Variants in MACROD2 observed in about 807,000 individuals in gnomAD.
The protein encoded by MACROD2 is ADP-ribose glycohydrolase MACROD2.
In MACROD2, 36 loss-of-function variants were observed where a neutral mutation model predicts 70.4. The observed-to-expected ratio is 0.51, with a 90% CI of 0.39 to 0.68. The LOEUF is 0.68. Ranked by LOEUF, MACROD2 falls within the 30% of genes least tolerant of loss-of-function variation. The pLI is 0.00. For missense variants in MACROD2, 496 were observed against 538.4 expected (o/e 0.92, Z 0.78); for synonymous variants, 172 against 178.8 (o/e 0.96, Z 0.30).
chr20:14,497,927 C>T (rs1013597514), intron 4 of MACROD2, among the ~76,000 whole-genome samples: 1 of 151,702 alleles, frequency 6.6e-6, no homozygotes, highest in East Asian at 1.9e-4. Flanking sequence ...ATTTGTCCAA[C>T]GCGAGAACAG....
Position 14,550,254 on chromosome 20 carries a change from A to T in MACROD2, c.301+56746A>T, listed in dbSNP as rs1357278877. 2.6e-5 allele frequency among the ~76,000 whole-genome samples: 4 copies of T among 152,020 alleles called. No homozygotes were observed. In the East Asian group the frequency reaches 5.8e-4, roughly 22 times the overall value. ...CACCTTTAAGCCCATGTAGTCAATC[A>T]TTCAGCTCCACCTCTAATTTAATGG... On this transcript the variant is annotated intron_variant, in intron 4 of 17. Transcript: ENST00000684519.
At position 15,213,049 on chromosome 20, in the gene MACROD2, G is replaced by A. The variant is rs550574540; in HGVS notation, c.419-16891G>A. 1.4e-4 allele frequency among the ~76,000 whole-genome samples: 21 copies of A among 152,298 alleles called. 1 individual carries two copies. The South Asian group carries it at 2.1e-3, about 15-fold the overall frequency. On this transcript the variant is annotated intron_variant, in intron 5 of 17. Coordinates refer to ENST00000684519, the MANE Select transcript of MACROD2 (RefSeq NM_001351661.2). ...AAAAGAAAAGGTGGTTGGAGATGTC[G>A]CCAGAGTTTAGGATTAAGTGAGAAC...
intron 5 of MACROD2, among the ~76,000 whole-genome samples, chr20:15,068,701 G>C (rs1165051334): frequency 6.6e-6 from 1 of 152,070 alleles, no homozygotes; most frequent in Non-Finnish European, 1.5e-5. Context: ...GTAGATATGG[G>C]TGTGATGTTT....
chr20:14,986,892 G>A (rs1346864932), intron 5 of MACROD2, among the ~76,000 whole-genome samples: 1 of 152,134 alleles, frequency 6.6e-6, no homozygotes, highest in African/African-American at 2.4e-5. Flanking sequence ...TGTGAAGTAC[G>A]ATTTGGCACG....
chr20:15,100,271 A>G (rs916197550), intron 5 of MACROD2, among the ~76,000 whole-genome samples: 2 of 151,968 alleles, frequency 1.3e-5, no homozygotes, highest in African/African-American at 4.8e-5. Flanking sequence ...TTTCTTTATG[A>G]TAGATTTGTT....
intron 5 of MACROD2, among the ~76,000 whole-genome samples, chr20:15,016,506 A>T (rs2075122613): frequency 6.6e-6 from 1 of 152,102 alleles, no homozygotes; most frequent in African/African-American, 2.4e-5. Flanking sequence ...CAGATCCCTC[A>T]AGATGGCTTG....
At chr20:15,011,098 C>T (rs1199694784) in intron 5 of MACROD2, among the ~76,000 whole-genome samples, 2 of 152,180 alleles carry the variant, frequency 1.3e-5, no homozygotes, top group Admixed American at 6.5e-5. Flanking sequence ...CAAGCCAAGC[C>T]CTTTCACCTC....
intron 10 of MACROD2, among the ~76,000 whole-genome samples, chr20:15,887,351 A>G (rs1016035350): frequency 1.3e-5 from 2 of 152,174 alleles, no homozygotes; most frequent in South Asian, 4.1e-4. Flanking sequence ...TCCAAATGCA[A>G]TGGATTCAGA....
intron 5 of MACROD2, among the ~76,000 whole-genome samples, chr20:15,049,811 G>A (rs987547539): frequency 2.0e-5 from 3 of 152,248 alleles, no homozygotes; most frequent in East Asian, 3.9e-4. Context: ...AGCTGGGCAT[G>A]GTGGCAGGCA....
At chr20:15,822,283 TGTG>T (rs2063946955) in intron 8 of MACROD2, among the ~76,000 whole-genome samples, 1 of 152,168 alleles carries the variant, frequency 6.6e-6, no homozygotes, top group Non-Finnish European at 1.5e-5. Context: ...AGATCTAAAA[TGTG>T]GTGTGTATGT....
At chr20:14,116,915 A>T (rs1187441332) in intron 3 of MACROD2, among the ~76,000 whole-genome samples, 2 of 152,078 alleles carry the variant, frequency 1.3e-5, no homozygotes, top group Non-Finnish European at 2.9e-5. Context: ...AAAAATACAA[A>T]AATTAGCCAG....
At chr20:14,335,009 C>T (rs866737268) in intron 3 of MACROD2, among the ~76,000 whole-genome samples, 1 of 152,038 alleles carries the variant, frequency 6.6e-6, no homozygotes, top group South Asian at 2.1e-4. Context: ...TTGGTATGAA[C>T]ATTGGCATAT....
intron 4 of MACROD2, among the ~76,000 whole-genome samples, chr20:14,654,039 T>A (rs187583953): frequency 1.0e-3 from 155 of 152,282 alleles, no homozygotes; most frequent in African/African-American, 3.5e-3. Context: ...CCAATTTTTG[T>A]CTCACAGTCT....
chr20:15,256,311 G>A (rs1355191308), intron 6 of MACROD2, among the ~76,000 whole-genome samples: 1 of 152,046 alleles, frequency 6.6e-6, no homozygotes, highest in Non-Finnish European at 1.5e-5. Flanking sequence ...AATTTAGAAT[G>A]TCTGGGGATT....
chr20:14,975,220 G>A (rs1223885715), intron 5 of MACROD2, among the ~76,000 whole-genome samples: 1 of 152,154 alleles, frequency 6.6e-6, no homozygotes, highest in Non-Finnish European at 1.5e-5. Context: ...ACTGATTAGA[G>A]GCTGGACAAA....
chr20:14,618,109 A>G (rs1983586035), intron 4 of MACROD2, among the ~76,000 whole-genome samples: 2 of 3,776 alleles, frequency 5.3e-4, no homozygotes, highest in Non-Finnish European at 1.0e-3. Context: ...TCCAATCCCT[A>G]TGAATTTTTT....
At chr20:14,919,003 A>AT (rs1294340617) in intron 5 of MACROD2, among the ~76,000 whole-genome samples, 1 of 152,178 alleles carries the variant, frequency 6.6e-6, no homozygotes, top group Non-Finnish European at 1.5e-5. Context: ...ATGATAACTG[A>AT]TAAAGCCTTT....
At chr20:15,202,623 A>G (rs775875329) in intron 5 of MACROD2, among the ~76,000 whole-genome samples, 36 of 152,254 alleles carry the variant, frequency 2.4e-4, no homozygotes, top group Non-Finnish European at 4.1e-4. Context: ...AAGAAAGGAA[A>G]GAAACAAACT....
chr20:15,430,583 A>G (rs1178187576), intron 6 of MACROD2, among the ~76,000 whole-genome samples: 1 of 152,048 alleles, frequency 6.6e-6, no homozygotes, highest in Non-Finnish European at 1.5e-5. Context: ...AGTAAAATGT[A>G]CATTTATATT....
Sources: allele counts gnomAD v4.1 joint callset (sites outside exome capture counted in the v4.1 genomes callset), GRCh38; gene constraint gnomAD v4.1.1; transcripts MANE v1.5; gene names NCBI Gene and HGNC (gene_info 2026-07-23, HGNC 2026-07-21).